The following SYNC variants were observed in gnomAD, a reference collection of about 807,000 sequenced individuals.
SYNC encodes the protein syncoilin.
Under a neutral mutation model 49.5 loss-of-function variants are expected in SYNC, and 38 were observed. That is an observed-to-expected ratio of 0.77 (90% confidence interval 0.59 to 1.01). The LOEUF is 1.01. Ranked by LOEUF, SYNC falls within the 50% of genes least tolerant of loss-of-function variation. The pLI is 0.00. For synonymous variants in SYNC, 201 were observed against 230.8 expected (o/e 0.87, Z 1.17); for missense variants, 579 against 580.6 (o/e 1.00, Z 0.03).
intron 4 of SYNC, chr1:32,683,282 AAAAG>A (rs1307791293): frequency 5.3e-5 from 8 of 152,118 alleles, no homozygotes; most frequent in East Asian, 1.9e-4. Flanking sequence ...AAAAAAAAAA[AAAAG>A]AGTAAGTCTG....
rs1408452004 is a variant in SYNC, at chr1:32,695,494, A to G, written c.604T>C (p.Leu202=). 8 of 1,551,416 alleles carry G rather than the reference A, an allele frequency of 5.2e-6. No homozygotes were observed. The highest frequency in any genetic ancestry group is 1.7e-6 in the Non-Finnish European group (2 of 1,146,934). ...ERDQLIHELV[L]LREPALQEVQ... ...TCCTGCAGGGCTGGTTCCCGGAGCA[A>G]TACAAGCTCATGGATGAGCTGATCC... The change falls in exon 2 of 5, where the codon TTG becomes CTG. Residue 202 remains leucine, a synonymous_variant. Coordinates refer to ENST00000409190, the MANE Select transcript of SYNC (RefSeq NM_030786.3).
At chr1:32,685,316 GAGGAATA>G (rs1204912954) in intron 2 of SYNC, 1 of 152,180 alleles carries the variant, frequency 6.6e-6, no homozygotes, top group Non-Finnish European at 1.5e-5. Flanking sequence ...ATGTATACCT[GAGGAATA>G]AGGTAAGGAA....
At chr1:32,696,170 C>T (rs1570923182) in intron 1 of SYNC, 126 bp from the exon 2 acceptor site, 1 of 735,788 alleles carries the variant, frequency 1.4e-6, no homozygotes, top group Non-Finnish European at 2.2e-6. Context: ...CGTCTGCTCC[C>T]TCCACTCTGT....
intron 2 of SYNC, among the ~76,000 whole-genome samples, chr1:32,688,143 T>C (rs1219114156): frequency 6.6e-6 from 1 of 152,046 alleles, no homozygotes; most frequent in Non-Finnish European, 1.5e-5. Flanking sequence ...CATGAATTCA[T>C]TCTTAAGGTT....
At chr1:32,690,073 T>TA (rs1650088392) in intron 2 of SYNC, among the ~76,000 whole-genome samples, 1 of 152,036 alleles carries the variant, frequency 6.6e-6, no homozygotes, top group East Asian at 1.9e-4. Flanking sequence ...CAAGAGAAGC[T>TA]ATTATACTAC....
chr1:32,694,813 C>G, intron 2 of SYNC, 52 bp downstream of exon 2: 2 of 1,493,414 alleles, frequency 1.3e-6, no homozygotes, highest in Non-Finnish European at 9.0e-7. Flanking sequence ...ACTCTGGCCA[C>G]TCTTTCCCCA....
intron 2 of SYNC, among the ~76,000 whole-genome samples, chr1:32,687,792 G>A (rs1649936605): frequency 6.7e-6 from 1 of 149,952 alleles, no homozygotes; most frequent in South Asian, 2.1e-4. Flanking sequence ...TGTATGAGCT[G>A]TTCCCTCTGT....
At chr1:32,696,588 T>C (rs539672048) in intron 1 of SYNC, among the ~76,000 whole-genome samples, 2 of 151,834 alleles carry the variant, frequency 1.3e-5, no homozygotes, top group Non-Finnish European at 2.9e-5. Flanking sequence ...GCTGGGATTA[T>C]AGGCACACAT....
chr1:32,694,747 A>C, intron 2 of SYNC, 118 bp downstream of exon 2: 1 of 1,076,800 alleles, frequency 9.3e-7, no homozygotes, highest in Non-Finnish European at 1.3e-6. Context: ...CGTGGCCCCA[A>C]AGAACAAATT....
chr1:32,698,411 C>T (rs1404597380), intron 1 of SYNC, among the ~76,000 whole-genome samples: 3 of 151,634 alleles, frequency 2.0e-5, no homozygotes, highest in Admixed American at 1.3e-4. Flanking sequence ...CCCAGCTACT[C>T]GGGAGGCTGA....
At chr1:32,682,184 C>T (rs931152582) in intron 4 of SYNC, 3 of 271,510 alleles carry the variant, frequency 1.1e-5, no homozygotes, top group African/African-American at 6.7e-5. Flanking sequence ...GTTAGTAGAT[C>T]ATTAACCTCA....
chr1:32,681,057 A>G lies in SYNC; in HGVS notation c.*793T>C, dbSNP rs1043715513. 6.5e-6 allele frequency: 1 copy of G among 152,924 alleles called. No homozygotes were observed. Among genetic ancestry groups the G allele is most frequent in the Non-Finnish European group, 1.5e-5 (1 of 68,236 alleles). 9.5% of individuals were successfully genotyped at this position (152,924 alleles called of 1,614,324 possible). A position where few individuals can be genotyped will look rare whatever the true frequency, so the allele number is the denominator to read the frequency against. On this transcript the variant is annotated 3_prime_UTR_variant, in exon 5 of 5. Transcript: ENST00000409190. The stretch of plus-strand genomic sequence containing the variant: ...ACTGGGGCCTTTACTTAGGTTAGAA[A>G]TAATAGGCTTTGAAGGCCTCTATCA...
At chr1:32,699,707 A>C (rs1650591146) in intron 1 of SYNC, among the ~76,000 whole-genome samples, 1 of 149,846 alleles carries the variant, frequency 6.7e-6, no homozygotes, top group African/African-American at 2.5e-5. Context: ...CAAGGTCCTT[A>C]AAGATGTGGC....
chr1:32,693,504 T>C (rs903498402), intron 2 of SYNC, among the ~76,000 whole-genome samples: 1 of 152,202 alleles, frequency 6.6e-6, no homozygotes, highest in Non-Finnish European at 1.5e-5. Flanking sequence ...TGGGAAGACA[T>C]AGATTTCTAA....
chr1:32,681,509 A>C lies in SYNC; in HGVS notation c.*341T>G. On this transcript the variant is annotated 3_prime_UTR_variant, in exon 5 of 5. Transcript: ENST00000409190. ...ACACAAGGCAAGATACATTCTTTAA[A>C]ATACTCCCAGATGTGTCCATACATT... The C allele has an allele frequency of 3.3e-6, 1 of 304,900 alleles. No homozygotes were observed. Among genetic ancestry groups the C allele is most frequent in the Non-Finnish European group, 6.0e-6 (1 of 166,742 alleles). 18.9% of individuals were successfully genotyped at this position (304,900 alleles called of 1,614,324 possible).
rs1231916956 is a variant in SYNC at position 32,684,084 on chromosome 1, A to G, written c.1364T>C (p.Met455Thr). 1 of 1,611,042 alleles carries G rather than the reference A, an allele frequency of 6.2e-7. No homozygotes were observed. The highest frequency in any genetic ancestry group is 8.5e-7 in the Non-Finnish European group (1 of 1,179,938). ...LAEELSTYKA[M>T]LLPKSLEQAD... The stretch of plus-strand genomic sequence containing the variant: ...CTGTTCCAGGCTCTTGGGTAGTAGC[A>G]TAGCCCTTTAAAAAGAGAGAGCCAT... Residue 455 changes from methionine (M) to threonine (T), a missense_variant, in exon 4 of 5, where the codon ATG becomes ACG. Met to Thr is a moderately conservative substitution (Grantham distance 81). Transcript: ENST00000409190.
upstream of SYNC, chr1:32,703,362 C>T (rs895910132): frequency 6.5e-6 from 1 of 152,694 alleles, no homozygotes; most frequent in African/African-American, 2.4e-5. Context: ...CATATTTAAC[C>T]CCACTTTCTG....
At chr1:32,687,504 C>G (rs1030677634) in intron 2 of SYNC, among the ~76,000 whole-genome samples, 1 of 151,770 alleles carries the variant, frequency 6.6e-6, no homozygotes, top group Non-Finnish European at 1.5e-5. Flanking sequence ...AACCCCATCT[C>G]TACTAAAAAT....
chr1:32,702,741 C>T lies in SYNC; in HGVS notation c.-81G>A, dbSNP rs1017899644. ...CTCGCTCCGGCGCCCGCGCCCGCCG[C>T]ACTGCCAGCTGCAACCGACACCGGA... On this transcript the variant is annotated 5_prime_UTR_variant, in exon 1 of 5. Coordinates refer to ENST00000409190, the MANE Select transcript of SYNC (RefSeq NM_030786.3). The surrounding 1 kb of genome is among the most constrained non-coding windows in gnomAD (Gnocchi z 6.2). 4 of 1,056,814 alleles carry T rather than the reference C, an allele frequency of 3.8e-6. No individual in the cohort carries two copies. Among genetic ancestry groups the T allele is most frequent in the Non-Finnish European group, 3.4e-6 (3 of 870,900 alleles). 65.5% of individuals were successfully genotyped at this position (1,056,814 alleles called of 1,614,324 possible). A position where few individuals can be genotyped will look rare whatever the true frequency, so the allele number is the denominator to read the frequency against.
Sources: allele counts gnomAD v4.1 joint callset (sites outside exome capture counted in the v4.1 genomes callset), GRCh38; gene constraint gnomAD v4.1.1; non-coding constraint Gnocchi (gnomAD v3.1); transcripts MANE v1.5; gene names NCBI Gene and HGNC (gene_info 2026-07-23, HGNC 2026-07-21).